The following CNTNAP2 variants were observed in gnomAD, a reference collection of about 807,000 sequenced individuals.
The protein encoded by CNTNAP2 is contactin associated protein 2, also known as contactin-associated protein-like 2.
A neutral mutation model predicts 155.2 loss-of-function variants in CNTNAP2; 98 were observed. The observed-to-expected ratio is 0.63, with a 90% confidence interval of 0.54 to 0.75. The LOEUF (loss-of-function observed/expected upper bound fraction) is 0.75. Among genes scored for constraint, CNTNAP2 ranks in the 30% least tolerant of loss-of-function variants. The pLI, the probability that CNTNAP2 is intolerant of heterozygous loss-of-function variation, is 0.00. For synonymous variants in CNTNAP2, 651 were observed against 631.2 expected, an observed-to-expected ratio of 1.03 and a Z score of -0.47; for missense variants, 1,727 against 1,688.1, an observed-to-expected ratio of 1.02 and a Z score of -0.40.
chr7:148,379,523 A>T (rs1799004988), intron 21 of CNTNAP2, among the ~76,000 whole-genome samples: 1 of 151,946 alleles, frequency 6.6e-6, no homozygotes, highest in East Asian at 1.9e-4. Flanking sequence ...GGGTAACATA[A>T]CAAAACCCCG....
intron 21 of CNTNAP2, among the ~76,000 whole-genome samples, chr7:148,321,371 C>T (rs1386499221): frequency 6.6e-6 from 1 of 152,180 alleles, no homozygotes; most frequent in African/African-American, 2.4e-5. Flanking sequence ...AGTGGTTATA[C>T]TGTTGCCATC....
At chr7:146,153,783 A>G (rs1798085667) in intron 1 of CNTNAP2, among the ~76,000 whole-genome samples, 1 of 152,206 alleles carries the variant, frequency 6.6e-6, no homozygotes, top group South Asian at 2.1e-4. Flanking sequence ...TAGACACATT[A>G]CATAAATCCA....
chr7:148,164,025 C>A (rs1805602086), intron 17 of CNTNAP2, among the ~76,000 whole-genome samples: 1 of 152,208 alleles, frequency 6.6e-6, no homozygotes, highest in Non-Finnish European at 1.5e-5. Context: ...GCCTCTGCCT[C>A]CCAGGTTCAA....
At chr7:146,726,029 C>A (rs1364442085) in intron 1 of CNTNAP2, among the ~76,000 whole-genome samples, 1 of 152,170 alleles carries the variant, frequency 6.6e-6, no homozygotes, top group African/African-American at 2.4e-5. Context: ...GTCAGTTATA[C>A]TAGGCTTTCA....
Position 146,907,359 on chromosome 7 carries a change from G to A in CNTNAP2, c.402+67455G>A, listed in dbSNP as rs368406559. On this transcript the variant is annotated intron_variant, in intron 3 of 23. Transcript: ENST00000361727. ...AAGACACATAATTGTCAGATTCACC[G>A]AAGTTGAAATGAAGGAAAAAATGTT... 9.5e-3 allele frequency among the ~76,000 whole-genome samples: 1,403 copies of A among 147,042 alleles called. 20 individuals are homozygous for A. The highest frequency in any genetic ancestry group is 0.032 in the African/African-American group (1,259 of 38,772).
At position 148,267,048 on chromosome 7, in the gene CNTNAP2, T is replaced by A. The variant is rs375153570; in HGVS notation, c.3397T>A (p.Ser1133Thr). The change falls in exon 21 of 24, where the codon TCT (serine) becomes ACT (threonine). Residue 1133 changes from serine to threonine, a missense_variant. By Grantham distance (58) the Ser-to-Thr change is moderately conservative. Coordinates refer to ENST00000361727, the MANE Select transcript of CNTNAP2 (RefSeq NM_014141.6). ...CCTCCTGCAGCTCGATCATTATCCTTCTGTGAGTTACCATCTGCCAAGTTC... is the reference window on the plus strand; with the variant it reads ...CCTCCTGCAGCTCGATCATTATCCTACTGTGAGTTACCATCTGCCAAGTTC... ...TIFLKLDHYP[S>T]VSYHLPSSSD... The A allele has an allele frequency of 6.2e-7, 1 of 1,614,174 alleles. No homozygotes were observed. Among genetic ancestry groups the A allele is most frequent in the Non-Finnish European group, 8.5e-7 (1 of 1,180,010 alleles).
chr7:148,070,081 A>G (rs887360123), intron 15 of CNTNAP2, among the ~76,000 whole-genome samples: 4 of 152,218 alleles, frequency 2.6e-5, no homozygotes, highest in Middle Eastern at 3.2e-3. Flanking sequence ...TCAGATTTCA[A>G]TCCAGGCTCT....
intron 12 of CNTNAP2, among the ~76,000 whole-genome samples, chr7:147,625,498 T>A (rs766739422): frequency 3.3e-5 from 5 of 152,256 alleles, no homozygotes; most frequent in Non-Finnish European, 7.3e-5. Context: ...CAACAGTAAC[T>A]GTTCTATTTC....
At chr7:147,470,448 A>T (rs946404911) in intron 10 of CNTNAP2, among the ~76,000 whole-genome samples, 1 of 151,916 alleles carries the variant, frequency 6.6e-6, no homozygotes, top group Admixed American at 6.6e-5. Context: ...AGCGTCTTGG[A>T]TTATGGTAAT....
At chr7:147,480,771 C>T (rs1358704183) in intron 10 of CNTNAP2, among the ~76,000 whole-genome samples, 1 of 152,094 alleles carries the variant, frequency 6.6e-6, no homozygotes, top group Non-Finnish European at 1.5e-5. Context: ...TCCTTTGAGC[C>T]CCCGCTGCAG....
At chr7:147,936,435 G>T (rs779755321) in intron 14 of CNTNAP2, among the ~76,000 whole-genome samples, 12 of 152,080 alleles carry the variant, frequency 7.9e-5, no homozygotes, top group Admixed American at 3.3e-4. Flanking sequence ...TATAAAAGAG[G>T]AAATATATTA....
intron 1 of CNTNAP2, among the ~76,000 whole-genome samples, chr7:146,565,221 G>C (rs1418128849): frequency 6.6e-6 from 1 of 151,878 alleles, no homozygotes; most frequent in East Asian, 1.9e-4. Context: ...GCTTATACAA[G>C]GAAAATCTTT....
rs373499312 is a variant in CNTNAP2, at chr7:148,153,020, C to CAAAAA, written c.2773+5334_2773+5338dup. 2.6e-4 allele frequency among the ~76,000 whole-genome samples: 6 copies of CAAAAA among 22,670 alleles called. 2 individuals carry two copies. The highest frequency in any genetic ancestry group is 3.0e-3 in the South Asian group (1 of 332). 14.9% of individuals were successfully genotyped at this position (22,670 alleles called of 152,430 possible). On this transcript the variant is annotated intron_variant, in intron 17 of 23. Transcript: ENST00000361727. ...TGGGTGACTGAGCAAGACTCCGTCT[C>CAAAAA]AAAAAAAAAAAAAAAAAAAAAAAAA...
chr7:147,137,454 C>T (rs1178538312), intron 8 of CNTNAP2, among the ~76,000 whole-genome samples: 1 of 151,308 alleles, frequency 6.6e-6, no homozygotes, highest in Non-Finnish European at 1.5e-5. Context: ...TCTATATTTT[C>T]TCCAATAAAC....
chr7:147,814,617 T>G (rs1226572526), intron 13 of CNTNAP2, among the ~76,000 whole-genome samples: 1 of 152,182 alleles, frequency 6.6e-6, no homozygotes, highest in Non-Finnish European at 1.5e-5. Flanking sequence ...CCAATTAGTC[T>G]TACATATTAA....
intron 3 of CNTNAP2, among the ~76,000 whole-genome samples, chr7:146,882,421 A>C (rs985759773): frequency 6.6e-6 from 1 of 151,938 alleles, no homozygotes; most frequent in Non-Finnish European, 1.5e-5. Flanking sequence ...ACTTCATGGG[A>C]GGTGATTAGA....
At chr7:148,308,734 A>AC (rs1797535917) in intron 21 of CNTNAP2, among the ~76,000 whole-genome samples, 1 of 43,884 alleles carries the variant, frequency 2.3e-5, no homozygotes, top group East Asian at 5.5e-4. Flanking sequence ...TAGCCCTCCC[A>AC]CCCCCCAATA....
intron 1 of CNTNAP2, among the ~76,000 whole-genome samples, chr7:146,581,091 G>A (rs1451342902): frequency 6.6e-6 from 1 of 152,020 alleles, no homozygotes; most frequent in Non-Finnish European, 1.5e-5. Flanking sequence ...TCAAGGAAAG[G>A]CTGATTGACA....
At chr7:147,651,154 G>A (rs1405637927) in intron 13 of CNTNAP2, among the ~76,000 whole-genome samples, 1 of 152,130 alleles carries the variant, frequency 6.6e-6, no homozygotes, top group Non-Finnish European at 1.5e-5. Context: ...CAAGGAATTG[G>A]CTTATGCAAC....
Sources: allele counts gnomAD v4.1 joint callset (sites outside exome capture counted in the v4.1 genomes callset), GRCh38; gene constraint gnomAD v4.1.1; transcripts MANE v1.5; gene names NCBI Gene and HGNC (gene_info 2026-07-23, HGNC 2026-07-21).